The following ICE2 variants were observed in gnomAD, a reference collection of about 807,000 sequenced individuals.
ICE2 encodes little elongation complex subunit 2.
In ICE2, 87 loss-of-function variants were observed where a neutral mutation model predicts 105.4. The ratio of observed to expected loss-of-function variants is 0.83; its 90% CI spans 0.69 to 0.99. ICE2 has a LOEUF of 0.99. Ranked by LOEUF, ICE2 falls within the 50% of genes least tolerant of loss-of-function variation. The pLI is 0.00. For synonymous variants in ICE2, 399 were observed against 392.0 expected, an observed-to-expected ratio of 1.02 and a Z score of -0.21; for missense variants, 1,323 against 1,146.7, an observed-to-expected ratio of 1.15 and a Z score of -2.22.
chr15:60,441,025 T>A (rs1157165157), intron 12 of ICE2: 2 of 152,212 alleles, frequency 1.3e-5, no homozygotes, highest in Admixed American at 6.5e-5. Flanking sequence ...AACCTTAATT[T>A]TTTTTTTTGT....
rs777857138 is a variant in ICE2, at chr15:60,449,392, A to G, written c.1575T>C (p.Ser525=). ...TATCTATAGTCATATCATTTTTATT[A>G]GAAGTTTCAATTTCCTGAGAATTTT... ...QLENSQEIET[S]NKNDMTIDIL... is the part of the protein sequence containing the mutation. The change falls in exon 10 of 16, where the codon TCT becomes TCC. Residue 525 remains serine (S), a synonymous_variant. Coordinates refer to ENST00000261520, the MANE Select transcript of ICE2 (RefSeq NM_024611.6). 1.2e-6 allele frequency: 2 copies of G among 1,613,094 alleles called. No individual in the cohort carries two copies. Among genetic ancestry groups the G allele is most frequent in the Non-Finnish European group, 1.7e-6 (2 of 1,179,466 alleles).
intron 13 of ICE2, 82 bp from the exon 14 acceptor site, chr15:60,432,066 G>T: frequency 1.5e-6 from 1 of 658,740 alleles, no homozygotes; most frequent in Non-Finnish European, 2.7e-6. Context: ...GCAGAGAAAT[G>T]CCCTCAATAA....
intron 8 of ICE2, among the ~76,000 whole-genome samples, chr15:60,454,262 T>A (rs925738436): frequency 1.3e-5 from 2 of 152,212 alleles, no homozygotes; most frequent in African/African-American, 4.8e-5. Context: ...TATACAGGAA[T>A]ATGCAAATAT....
Position 60,435,855 on chromosome 15 carries a change from A to T in ICE2, c.2510+288T>A, listed in dbSNP as rs190308482. ...GCTGGGCATGCTGGTGCACACCTGT[A>T]GTCCCTACTTGGGAGGCTGAGGTGG... is the stretch of plus-strand genomic sequence containing the variant. On this transcript the variant is annotated intron_variant, in intron 13 of 15. Transcript: ENST00000261520. Among the ~76,000 whole-genome samples, 828 of 151,876 alleles carry T rather than the reference A, an allele frequency of 5.5e-3. 3 individuals carry two copies. Among genetic ancestry groups the T allele is most frequent in the Non-Finnish European group, 9.0e-3 (608 of 67,902 alleles).
At chr15:60,452,423 C>T (rs1334807723) in intron 9 of ICE2, 15 of 232,124 alleles carry the variant, frequency 6.5e-5, no homozygotes, top group African/African-American at 3.5e-4. Flanking sequence ...ACCCCTTCCC[C>T]ACCCATCTCT....
At chr15:60,433,535 A>G (rs1055791398) in intron 13 of ICE2, among the ~76,000 whole-genome samples, 1 of 149,442 alleles carries the variant, frequency 6.7e-6, no homozygotes, top group African/African-American at 2.5e-5. Context: ...CTTTTTGCCC[A>G]GGTTGAAGTG....
intron 5 of ICE2, among the ~76,000 whole-genome samples, chr15:60,462,545 T>C (rs1041626359): frequency 2.0e-5 from 3 of 152,006 alleles, no homozygotes; most frequent in East Asian, 3.9e-4. Flanking sequence ...AACTTGTCAA[T>C]AGAAAAAGAT....
chr15:60,447,518 A>G (rs2063849143), intron 11 of ICE2: 1 of 152,526 alleles, frequency 6.6e-6, no homozygotes, highest in African/African-American at 2.4e-5. Context: ...TCTAAACACA[A>G]AACCCTTTTA....
Position 60,421,164 on chromosome 15 carries a change from GC to G in ICE2, c.*2469del, listed in dbSNP as rs1320981364. 1.3e-5 allele frequency: 2 copies of G among 151,472 alleles called. No individual in the cohort carries two copies. Among genetic ancestry groups the G allele is most frequent in the Non-Finnish European group, 2.9e-5 (2 of 67,978 alleles). 9.4% of individuals were successfully genotyped at this position (151,472 alleles called of 1,614,324 possible). On this transcript the variant is annotated 3_prime_UTR_variant, in exon 16 of 16. Transcript: ENST00000261520. The stretch of plus-strand genomic sequence containing the variant: ...ACCTTCACTGCTGAGGTATAAATGG[GC>G]CAGGGTGATCACATCCTTGCTAGCC...
At chr15:60,470,684 A>G (rs1187459664) in intron 3 of ICE2, among the ~76,000 whole-genome samples, 1 of 152,170 alleles carries the variant, frequency 6.6e-6, no homozygotes, top group Non-Finnish European at 1.5e-5. Flanking sequence ...TTTTCTCTTA[A>G]ATACTTTAAA....
intron 5 of ICE2, among the ~76,000 whole-genome samples, chr15:60,457,654 A>T (rs1457956755): frequency 6.6e-6 from 1 of 152,060 alleles, no homozygotes; most frequent in Non-Finnish European, 1.5e-5. Context: ...ATATCTTTTC[A>T]TCTATAGTTT....
intron 5 of ICE2, among the ~76,000 whole-genome samples, chr15:60,462,974 T>C (rs1029564304): frequency 2.6e-5 from 4 of 152,190 alleles, no homozygotes; most frequent in African/African-American, 9.7e-5. Context: ...TTTATGATGG[T>C]GCCAAACCAT....
intron 9 of ICE2, among the ~76,000 whole-genome samples, chr15:60,450,679 C>G (rs910013555): frequency 6.6e-6 from 1 of 152,154 alleles, no homozygotes; most frequent in African/African-American, 2.4e-5. Flanking sequence ...AAGATCAACT[C>G]GTGTAAGTTA....
At position 60,423,572 on chromosome 15, in the gene ICE2, C is replaced by T; in HGVS notation, c.*62G>A. ...TGCCTACTGATTATTTTCCCTCAAA[C>T]TTATCTAAATTAAACACTGTTATAA... On this transcript the variant is annotated 3_prime_UTR_variant, in exon 16 of 16. Coordinates refer to ENST00000261520, the MANE Select transcript of ICE2 (RefSeq NM_024611.6). The T allele has an allele frequency of 6.8e-7, 1 of 1,464,924 alleles. No homozygotes were observed. Among genetic ancestry groups the T allele is most frequent in the African/African-American group, 1.5e-5 (1 of 68,440 alleles). 90.7% of individuals were successfully genotyped at this position (1,464,924 alleles called of 1,614,324 possible).
rs1045733042 is a variant in ICE2 at position 60,452,283 on chromosome 15, T to C, written c.1125+1320A>G. On this transcript the variant is annotated intron_variant, in intron 9 of 15. Coordinates refer to ENST00000261520, the MANE Select transcript of ICE2 (RefSeq NM_024611.6). ...AACCAAAAGGCCAATATCCTTAAAATTGTATGAGCTCTTAAGTACAAGAAA... is the reference window on the plus strand; with the variant it reads ...AACCAAAAGGCCAATATCCTTAAAACTGTATGAGCTCTTAAGTACAAGAAA... 5.5e-6 allele frequency: 5 copies of C among 902,036 alleles called. No homozygotes were observed. The African/African-American group carries it at 7.2e-5, about 13-fold the overall frequency. The allele number at this position is 902,036 out of a possible 1,614,324, so 55.9% of individuals were successfully genotyped here.
chr15:60,478,063 TACTC>T lies in ICE2; in HGVS notation c.-90_-87del, dbSNP rs1361102134. The T allele has an allele frequency of 8.8e-6, 11 of 1,256,394 alleles. No homozygotes were observed. The highest frequency in any genetic ancestry group is 2.3e-5 in the East Asian group (1 of 43,192). The allele number at this position is 1,256,394 out of a possible 1,614,324, so 77.8% of individuals were successfully genotyped here. A position where few individuals can be genotyped will look rare whatever the true frequency, so the allele number is the denominator to read the frequency against. On this transcript the variant is annotated splice_region_variant and 5_prime_UTR_variant, in exon 2 of 16. The change abolishes the stop of an existing upstream ORF in the 5' untranslated region. Transcript: ENST00000261520. ...CAAGAGGCAGGATCCCTCCAGAACT[TACTC>T]AGCTGAGTAAAAACAAAAGGCCAAG...
At position 60,468,285 on chromosome 15, in the gene ICE2, C is replaced by A. The variant is rs749727336; in HGVS notation, c.184G>T (p.Val62Leu). The part of the protein sequence containing the change: ...GENLNASASS[V>L]ENEPAVSSAT... ...GAACTAACTGCCGGCTCATTTTCTA[C>A]AGAACTTGCTGAGGCATTCAAATTT... The change falls in exon 4 of 16, where the codon GTA (valine) becomes TTA (leucine). Residue 62 changes from valine (V) to leucine (L), a missense_variant. By Grantham distance (32) the Val-to-Leu change is conservative (BLOSUM62 1). Coordinates refer to ENST00000261520, the MANE Select transcript of ICE2 (RefSeq NM_024611.6). 1 of 1,612,288 alleles carries A rather than the reference C, an allele frequency of 6.2e-7. No homozygotes were observed. The highest frequency in any genetic ancestry group is 8.5e-7 in the Non-Finnish European group (1 of 1,178,500).
rs967171057 is a variant in ICE2 at position 60,424,752 on chromosome 15, C to A, written c.2821-990G>T. Among the ~76,000 whole-genome samples the A allele has an allele frequency of 7.9e-5, 12 of 152,294 alleles. No homozygotes were observed. The South Asian group carries it at 2.5e-3, about 32-fold the overall frequency. On this transcript the variant is annotated intron_variant, in intron 15 of 15. Transcript: ENST00000261520. ...AATTCCTGACCTCAAGTGATCTGCC[C>A]GCCTCAGCCTCCCACAGTGCTGGGA...
chr15:60,436,140 T>C lies in ICE2; in HGVS notation c.2510+3A>G, dbSNP rs372109274. On this transcript the variant is annotated splice_donor_region_variant and intron_variant, in intron 13 of 15. Transcript: ENST00000261520. Reference sequence around the variant, plus strand: ...ATTCTCACCACAAAGTAAACTTTCTTACTTGAGTGCTGAAAGCTTTTCTTT... The same window carrying C: ...ATTCTCACCACAAAGTAAACTTTCTCACTTGAGTGCTGAAAGCTTTTCTTT... 1.5e-6 allele frequency: 2 copies of C among 1,339,530 alleles called. No homozygotes were observed. The highest frequency in any genetic ancestry group is 3.0e-5 in the African/African-American group (2 of 65,862). 83.0% of individuals were successfully genotyped at this position (1,339,530 alleles called of 1,614,324 possible).
Sources: gnomAD v4.1 joint callset for allele counts (sites outside exome capture counted in the v4.1 genomes callset) on GRCh38, gnomAD v4.1.1 for gene constraint, MANE v1.5 for transcripts, NCBI Gene and HGNC (gene_info 2026-07-23, HGNC 2026-07-21) for gene names.